The following COL24A1 variants were observed in gnomAD, a reference collection of about 807,000 sequenced individuals.
The protein encoded by COL24A1 is collagen type XXIV alpha 1 chain, also known as collagen alpha-1(XXIV) chain.
In COL24A1, 224 loss-of-function variants were observed where a neutral mutation model predicts 253.9. The ratio of observed to expected loss-of-function variants is 0.88; its 90% CI spans 0.79 to 0.99. The LOEUF (loss-of-function observed/expected upper bound fraction) is 0.99, where lower values mean the gene tolerates loss of function less well. Ranked by LOEUF, COL24A1 falls within the 50% of genes least tolerant of loss-of-function variation. The probability of loss-of-function intolerance (pLI) is 0.00; values close to 1 mark genes in which losing one functional copy is unlikely to be tolerated. For synonymous variants in COL24A1, 685 were observed against 673.7 expected (o/e 1.02, Z -0.26); for missense variants, 2,131 against 2,068.5 (o/e 1.03, Z -0.59).
chr1:85,868,995 T>A (rs1265162625), intron 35 of COL24A1, among the ~76,000 whole-genome samples, 160 bp from the exon 36 acceptor site: 1 of 152,160 alleles, frequency 6.6e-6, no homozygotes, highest in Non-Finnish European at 1.5e-5. Flanking sequence ...ATGAGAATGA[T>A]TTAATTTGCC....
rs1020926814 is a variant in COL24A1 at position 85,810,667 on chromosome 1, G to T, written c.3951+6121C>A. On this transcript the variant is annotated intron_variant, in intron 47 of 59. Coordinates refer to ENST00000370571, the MANE Select transcript of COL24A1 (RefSeq NM_152890.7). Reference sequence around the variant, plus strand: ...TGATAATGAGTTCTCACAAGATGTGGTTATTTAAATGTACATGGCAACACC... The same window carrying T: ...TGATAATGAGTTCTCACAAGATGTGTTTATTTAAATGTACATGGCAACACC... 6.6e-5 allele frequency among the ~76,000 whole-genome samples: 10 copies of T among 151,950 alleles called. No individual in the cohort carries two copies. The East Asian group carries it at 1.9e-3, about 29-fold the overall frequency.
chr1:85,783,096 A>G (rs918458695), intron 51 of COL24A1, among the ~76,000 whole-genome samples: 2 of 152,152 alleles, frequency 1.3e-5, no homozygotes, highest in African/African-American at 4.8e-5. Flanking sequence ...GCTATTGGGA[A>G]ATATTTTCAG....
chr1:86,081,439 A>C (rs1702634162), intron 7 of COL24A1, among the ~76,000 whole-genome samples: 2 of 152,174 alleles, frequency 1.3e-5, no homozygotes, highest in South Asian at 4.1e-4. Context: ...TAGAATCTTA[A>C]ATGTCAGCAG....
chr1:85,987,912 G>A (rs557054085), intron 19 of COL24A1, among the ~76,000 whole-genome samples: 5 of 151,978 alleles, frequency 3.3e-5, no homozygotes, highest in East Asian at 1.9e-4. Flanking sequence ...GAGAGTAGAA[G>A]TCTCAGTCCA....
chr1:86,099,527 C>A (rs1413916901), intron 5 of COL24A1, among the ~76,000 whole-genome samples: 10 of 152,256 alleles, frequency 6.6e-5, no homozygotes, highest in African/African-American at 2.2e-4. Flanking sequence ...GAAAAACCTG[C>A]AAACATGTTA....
intron 37 of COL24A1, among the ~76,000 whole-genome samples, chr1:85,867,826 C>A (rs953311638): frequency 4.9e-4 from 74 of 152,100 alleles, no homozygotes; most frequent in African/African-American, 1.6e-3. Flanking sequence ...CTCACTGTAA[C>A]CTCTGCCTCC....
intron 24 of COL24A1, chr1:85,960,917 A>ATAAATAAG (rs1553243168): frequency 9.0e-5 from 13 of 143,926 alleles, no homozygotes; most frequent in African/African-American, 3.7e-4. Context: ...AAATAAATAA[A>ATAAATAAG]TAAATAAATA....
chr1:85,897,186 G>A (rs1248438800), intron 28 of COL24A1, among the ~76,000 whole-genome samples: 5 of 152,126 alleles, frequency 3.3e-5, no homozygotes, highest in Non-Finnish European at 7.3e-5. Flanking sequence ...TCACTTATAA[G>A]TGGGAGCTGA....
At chr1:85,990,759 T>C (rs1157760283) in intron 19 of COL24A1, among the ~76,000 whole-genome samples, 1 of 152,146 alleles carries the variant, frequency 6.6e-6, no homozygotes, top group Non-Finnish European at 1.5e-5. Flanking sequence ...AGAACTACAA[T>C]GGATTGAAAC....
chr1:86,046,718 T>C, intron 12 of COL24A1, 107 bp downstream of exon 12: 3 of 1,317,220 alleles, frequency 2.3e-6, no homozygotes, highest in African/African-American at 1.5e-5. Flanking sequence ...GGAATGATTA[T>C]AAACAACAAC....
At chr1:85,933,911 C>A (rs376542117) in intron 24 of COL24A1, among the ~76,000 whole-genome samples, 1 of 152,072 alleles carries the variant, frequency 6.6e-6, no homozygotes, top group African/African-American at 2.4e-5. Flanking sequence ...AGACAAATTA[C>A]CCCCAAAAGT....
chr1:86,030,174 G>A (rs1461155929), intron 14 of COL24A1: 3 of 152,076 alleles, frequency 2.0e-5, no homozygotes, highest in Non-Finnish European at 4.4e-5. Context: ...ACTACACAGA[G>A]CATAAGGTCA....
chr1:85,838,018 T>A (rs544544021), intron 43 of COL24A1, among the ~76,000 whole-genome samples: 6 of 152,218 alleles, frequency 3.9e-5, no homozygotes, highest in African/African-American at 1.2e-4. Flanking sequence ...GTTGGTCAGA[T>A]AATGTCCCTC....
intron 2 of COL24A1, among the ~76,000 whole-genome samples, chr1:86,143,839 A>G (rs1218962902): frequency 1.3e-5 from 2 of 152,096 alleles, no homozygotes; most frequent in African/African-American, 4.8e-5. Flanking sequence ...TCTCATAAGC[A>G]TACAAATATT....
At chr1:85,894,849 C>T (rs1056191948) in intron 31 of COL24A1, among the ~76,000 whole-genome samples, 3 of 152,020 alleles carry the variant, frequency 2.0e-5, no homozygotes, top group Admixed American at 1.3e-4. Flanking sequence ...TGGGAAACAG[C>T]GGGCAGGGGG....
chr1:85,858,493 G>T (rs1219586834), intron 37 of COL24A1, among the ~76,000 whole-genome samples: 1 of 151,998 alleles, frequency 6.6e-6, no homozygotes, highest in African/African-American at 2.4e-5. Flanking sequence ...CACATAGGTG[G>T]CTTTCTCTAT....
chr1:85,806,501 G>A (rs1010583106), intron 47 of COL24A1, among the ~76,000 whole-genome samples: 1 of 152,160 alleles, frequency 6.6e-6, no homozygotes, highest in Non-Finnish European at 1.5e-5. Flanking sequence ...TGCAAAAGCA[G>A]CCATATGTAA....
chr1:86,107,541 ATTTAT>A (rs1415868663), intron 5 of COL24A1, among the ~76,000 whole-genome samples: 1 of 150,898 alleles, frequency 6.6e-6, no homozygotes, highest in Non-Finnish European at 1.5e-5. Flanking sequence ...TTATTTATTT[ATTTAT>A]TTATTTATAG....
intron 51 of COL24A1, among the ~76,000 whole-genome samples, chr1:85,782,149 C>T (rs879767320): frequency 1.7e-4 from 26 of 152,110 alleles, no homozygotes; most frequent in Non-Finnish European, 2.6e-4. Context: ...TGCAGTTGTG[C>T]CATCTCGGCT....
Sources: gnomAD v4.1 joint callset for allele counts (sites outside exome capture counted in the v4.1 genomes callset) on GRCh38, gnomAD v4.1.1 for gene constraint, MANE v1.5 for transcripts, NCBI Gene and HGNC (gene_info 2026-07-23, HGNC 2026-07-21) for gene names.